Variants in HOXC4 observed in about 807,000 individuals in gnomAD.
The protein encoded by HOXC4 is homeobox C4.
Under a neutral mutation model 25.5 loss-of-function variants are expected in HOXC4, and 15 were observed. That is an observed-to-expected ratio of 0.59 (90% CI 0.39 to 0.91). The LOEUF is 0.91. Ranked by LOEUF, HOXC4 falls within the 40% of genes least tolerant of loss-of-function variation. The pLI is 0.00. For missense variants in HOXC4, 342 were observed against 352.4 expected, an observed-to-expected ratio of 0.97 and a Z score of 0.24; for synonymous variants, 165 against 148.0, an observed-to-expected ratio of 1.11 and a Z score of -0.83.
intron 1 of HOXC4, chr12:54,020,215 T>C (rs1184010733): frequency 1.3e-5 from 2 of 152,216 alleles, no homozygotes; most frequent in South Asian, 2.1e-4. Context: ...TGGCTGAGAA[T>C]AGAATCTGGC....
At chr12:54,028,899 G>A in intron 1 of HOXC4, 2 of 1,611,420 alleles carry the variant, frequency 1.2e-6, no homozygotes, top group Non-Finnish European at 1.7e-6. Flanking sequence ...ACCCCTGGAT[G>A]CAGCGAATGA....
chr12:54,026,727 A>C (rs1490707677), intron 1 of HOXC4, among the ~76,000 whole-genome samples: 1 of 152,140 alleles, frequency 6.6e-6, no homozygotes, highest in African/African-American at 2.4e-5. Flanking sequence ...GCTCCTGCAC[A>C]CTGTCTGCTT....
At chr12:54,049,747 TACACACACACACACACAC>T (rs10590659), upstream of HOXC4, among the ~76,000 whole-genome samples, 63 of 125,818 alleles carry the variant, frequency 5.0e-4, no homozygotes, top group South Asian at 2.8e-3. Context: ...GACAAACACA[TACACACACACACACACAC>T]ACACACACAC....
intron 1 of HOXC4, chr12:54,032,969 C>T: frequency 1.5e-6 from 1 of 654,330 alleles, no homozygotes; most frequent in South Asian, 2.1e-5. Flanking sequence ...CTATTTAAGG[C>T]TCCCTTATTT....
chr12:54,028,371 G>A, intron 1 of HOXC4: 1 of 760,234 alleles, frequency 1.3e-6, no homozygotes. Flanking sequence ...CTGACATCTG[G>A]CTTGCGATTG....
intron 1 of HOXC4, among the ~76,000 whole-genome samples, chr12:54,025,774 C>A (rs1940668138): frequency 6.6e-6 from 1 of 152,074 alleles, no homozygotes; most frequent in African/African-American, 2.4e-5. Context: ...CGCCAACCTC[C>A]CTGAGCCCAC....
intron 1 of HOXC4, among the ~76,000 whole-genome samples, chr12:54,045,291 T>C (rs1421986992): frequency 2.6e-5 from 4 of 152,276 alleles, no homozygotes; most frequent in Non-Finnish European, 4.4e-5. Context: ...CACATTTAAA[T>C]GCAGATTTAT....
chr12:54,033,412 G>A, intron 1 of HOXC4: 1 of 1,610,304 alleles, frequency 6.2e-7, no homozygotes, highest in South Asian at 1.1e-5. Flanking sequence ...CTGAACCCCG[G>A]GATGTACAGT....
At chr12:54,020,389 G>A (rs1345288282) in intron 1 of HOXC4, 2 of 152,228 alleles carry the variant, frequency 1.3e-5, no homozygotes. Context: ...TGTATTTCAT[G>A]TGCTGGTTCC....
At chr12:54,018,937 T>C (rs1488744104) in intron 1 of HOXC4, among the ~76,000 whole-genome samples, 1 of 152,092 alleles carries the variant, frequency 6.6e-6, no homozygotes, top group African/African-American at 2.4e-5. Context: ...CCCTGACCCG[T>C]CGCCTGTGGG....
In HOXC4 at chr12:54,055,310, A is replaced by G; in HGVS notation, c.*105A>G. ...AATATATATATATATATATATATAT[A>G]TAGGTTCTTTTCTCTCTTCCTCTCA... On this transcript the variant is annotated 3_prime_UTR_variant, in exon 2 of 2. Coordinates refer to ENST00000430889, the MANE Select transcript of HOXC4 (RefSeq NM_153633.3). The G allele has an allele frequency of 3.7e-6, 1 of 271,468 alleles. No individual in the cohort carries two copies. The highest frequency in any genetic ancestry group is 1.8e-4 in the South Asian group (1 of 5,606). The allele number at this position is 271,468 out of a possible 1,614,324, so 16.8% of individuals were successfully genotyped here. A position where few individuals can be genotyped will look rare whatever the true frequency, so the allele number is the denominator to read the frequency against.
chr12:54,041,804 G>A lies in HOXC4; in HGVS notation c.-123-11356G>A, dbSNP rs1274261309. Among the ~76,000 whole-genome samples, 18 of 151,914 alleles carry A rather than the reference G, an allele frequency of 1.2e-4. No individual in the cohort carries two copies. In the South Asian group the frequency reaches 2.1e-3, roughly 18 times the overall value. On this transcript the variant is annotated intron_variant, in intron 1 of 3. Transcript: ENST00000303406. ...TGATTCTCCTGCCTCAACCTCCCAA[G>A]TGGCTGGGATTACAGGTGCCCACCA...
Position 54,054,030 on chromosome 12 carries a change from T to G in HOXC4, c.108T>G (p.Tyr36Ter), listed in dbSNP as rs1231376846. 1 of 1,613,448 alleles carries G rather than the reference T, an allele frequency of 6.2e-7. No individual in the cohort carries two copies. The change falls in exon 1 of 2, where the codon TAT becomes TAG. Residue 36 changes from tyrosine to a stop codon, truncating the protein, a stop_gained. Transcript: ENST00000430889. LOFTEE classifies it high-confidence loss of function. ...ACATCCCTGAACACAGTCCGGAATA[T>G]TACGGCCGGACCAGGGAATCGGGAT... is the stretch of plus-strand genomic sequence containing the variant. ...NSYIPEHSPEYYGRTRESGFQ... is the reference protein window; with the variant it reads ...NSYIPEHSPE
intron 1 of HOXC4, chr12:54,034,347 A>C: frequency 6.2e-7 from 1 of 1,614,198 alleles, no homozygotes; most frequent in African/African-American, 1.3e-5. Flanking sequence ...AAAGAATTCC[A>C]CTTTAACCGC....
chr12:54,049,537 A>G (rs1937795926), upstream of HOXC4, among the ~76,000 whole-genome samples: 1 of 94,296 alleles, frequency 1.1e-5, no homozygotes, highest in African/African-American at 4.7e-5. Flanking sequence ...TTAACATTCC[A>G]TGATTGCTTT....
At chr12:54,038,330 C>T (rs1051521243) in intron 1 of HOXC4, among the ~76,000 whole-genome samples, 6 of 152,130 alleles carry the variant, frequency 3.9e-5, no homozygotes, top group African/African-American at 7.2e-5. Context: ...AGAAAGCAAG[C>T]GGCAGCAACA....
rs192080616 is a variant in HOXC4 at position 54,026,234 on chromosome 12, T to C, written c.-124+8820T>C. Among the ~76,000 whole-genome samples the C allele has an allele frequency of 1.3e-4, 20 of 152,144 alleles. No homozygotes were observed. The East Asian group carries it at 3.7e-3, about 28-fold the overall frequency. On this transcript the variant is annotated intron_variant, in intron 1 of 3. Transcript: ENST00000303406. ...GAGAGAGGCTACTTGTGTCCAGGGGTGCACTGACTTGTTCCCTAGCTCAGT... is the reference window on the plus strand; with the variant it reads ...GAGAGAGGCTACTTGTGTCCAGGGGCGCACTGACTTGTTCCCTAGCTCAGT...
chr12:54,032,602 C>T (rs1472040104), intron 1 of HOXC4, among the ~76,000 whole-genome samples: 1 of 152,144 alleles, frequency 6.6e-6, no homozygotes, highest in African/African-American at 2.4e-5. Flanking sequence ...ATAAGTGGGG[C>T]CTCGTCTTTT....
chr12:54,032,929 T>G, intron 1 of HOXC4: 1 of 530,190 alleles, frequency 1.9e-6, no homozygotes, highest in Non-Finnish European at 3.3e-6. Context: ...TCAAGCCAAA[T>G]TTATGAGTGG....
Sources: allele counts gnomAD v4.1 joint callset (sites outside exome capture counted in the v4.1 genomes callset), GRCh38; gene constraint gnomAD v4.1.1; transcripts MANE v1.5; gene names NCBI Gene and HGNC (gene_info 2026-07-23, HGNC 2026-07-21).